The following ANO6 variants were observed in gnomAD, a reference collection of about 807,000 sequenced individuals.
ANO6 encodes anoctamin-6.
A neutral mutation model predicts 117.5 loss-of-function variants in ANO6; 106 were observed. That is an observed-to-expected ratio of 0.90 (90% CI 0.77 to 1.06). The LOEUF is 1.06. ANO6 is among the 50% of genes least tolerant of loss of function. The pLI, the probability that ANO6 is intolerant of heterozygous loss-of-function variation, is 0.00. For missense variants in ANO6, 955 were observed against 1,121.1 expected (o/e 0.85, Z 2.12); for synonymous variants, 367 against 385.1 (o/e 0.95, Z 0.55).
chr12:45,364,057 G>A (rs973811764), intron 8 of ANO6, among the ~76,000 whole-genome samples: 1 of 152,084 alleles, frequency 6.6e-6, no homozygotes, highest in Admixed American at 6.6e-5. Context: ...TTGAAGGATG[G>A]GTTTGCTGGA....
intron 15 of ANO6, among the ~76,000 whole-genome samples, chr12:45,405,937 C>T (rs936352162): frequency 4.6e-5 from 7 of 152,080 alleles, no homozygotes; most frequent in Admixed American, 2.6e-4. Flanking sequence ...ATCAGTTATC[C>T]TTTCTATCCA....
rs1040915283 is a variant in ANO6, at chr12:45,431,095, G to A, written c.*1784G>A. 1.0e-6 allele frequency: 1 copy of A among 985,284 alleles called. No homozygotes were observed. The highest frequency in any genetic ancestry group is 1.2e-6 in the Non-Finnish European group (1 of 829,942). The allele number at this position is 985,284 out of a possible 1,614,324, so 61.0% of individuals were successfully genotyped here. The stretch of plus-strand genomic sequence containing the variant: ...CATCAAAGCAGTATTGTAGGCTTTT[G>A]AATTGTCCCAGTGGATCCGGGACCC... On this transcript the variant is annotated 3_prime_UTR_variant, in exon 20 of 20. Coordinates refer to ENST00000320560, the MANE Select transcript of ANO6 (RefSeq NM_001025356.3).
At chr12:45,402,604 C>T (rs1444641506) in intron 13 of ANO6, among the ~76,000 whole-genome samples, 4 of 152,202 alleles carry the variant, frequency 2.6e-5, no homozygotes, top group Non-Finnish European at 5.9e-5. Context: ...CTGATGCAAA[C>T]TCCACACTAG....
chr12:45,431,282 C>A lies in ANO6; in HGVS notation c.*1971C>A. On this transcript the variant is annotated 3_prime_UTR_variant, in exon 20 of 20. Transcript: ENST00000320560. ...GGGAGTGCCACTGTTCCTCTCTTCA[C>A]TCCTGAGATACTGCTTCTGGAAGCG... 1.0e-6 allele frequency: 1 copy of A among 985,388 alleles called. No homozygotes were observed. The highest frequency in any genetic ancestry group is 1.2e-6 in the Non-Finnish European group (1 of 829,924). The allele number at this position is 985,388 out of a possible 1,614,324, so 61.0% of individuals were successfully genotyped here. A position where few individuals can be genotyped will look rare whatever the true frequency, so the allele number is the denominator to read the frequency against.
intron 1 of ANO6, chr12:45,270,349 C>T (rs1938353958): frequency 2.6e-5 from 34 of 1,320,628 alleles, no homozygotes; most frequent in Non-Finnish European, 3.2e-5. Context: ...TGTACGAGGT[C>T]AGGTCCTTGT....
chr12:45,430,190 A>G lies in ANO6; in HGVS notation c.*879A>G. 1 of 985,450 alleles carries G rather than the reference A, an allele frequency of 1.0e-6. No individual in the cohort carries two copies. The highest frequency in any genetic ancestry group is 1.2e-6 in the Non-Finnish European group (1 of 829,920). The allele number at this position is 985,450 out of a possible 1,614,324, so 61.0% of individuals were successfully genotyped here. A position where few individuals can be genotyped will look rare whatever the true frequency, so the allele number is the denominator to read the frequency against. On this transcript the variant is annotated 3_prime_UTR_variant, in exon 20 of 20. Transcript: ENST00000320560. ...AGTGATATCACATGATTAAAATTAC[A>G]TTTTTATCAACATAATTGTCTGGAA...
chr12:45,383,294 C>T (rs1487371933), intron 10 of ANO6: 2 of 158,276 alleles, frequency 1.3e-5, no homozygotes, highest in African/African-American at 4.8e-5. Flanking sequence ...CTTGCTCTTT[C>T]TACCACATCT....
At chr12:45,396,722 C>A (rs1429132841) in intron 12 of ANO6, among the ~76,000 whole-genome samples, 2 of 152,156 alleles carry the variant, frequency 1.3e-5, no homozygotes, top group African/African-American at 4.8e-5. Flanking sequence ...CTGACAAAAA[C>A]AAGCAATGGG....
Position 45,429,442 on chromosome 12 carries a change from A to G in ANO6, c.*131A>G. ...CTCAACTATTGCCATTTCCTCATGT[A>G]TTATTTTTCAGTTTCAGCTAGCGAT... On this transcript the variant is annotated 3_prime_UTR_variant, in exon 20 of 20. Coordinates refer to ENST00000320560, the MANE Select transcript of ANO6 (RefSeq NM_001025356.3). The G allele has an allele frequency of 2.0e-6, 3 of 1,496,928 alleles. No homozygotes were observed. Among genetic ancestry groups the G allele is most frequent in the Non-Finnish European group, 8.9e-7 (1 of 1,129,178 alleles). The allele number at this position is 1,496,928 out of a possible 1,614,324, so 92.7% of individuals were successfully genotyped here. A position where few individuals can be genotyped will look rare whatever the true frequency, so the allele number is the denominator to read the frequency against.
chr12:45,371,583 A>AC lies in ANO6; in HGVS notation c.1104+3796dup, dbSNP rs1353237153. Among the ~76,000 whole-genome samples the AC allele has an allele frequency of 6.6e-5, 10 of 151,686 alleles. No homozygotes were observed. The South Asian group carries it at 1.9e-3, about 29-fold the overall frequency. On this transcript the variant is annotated intron_variant, in intron 9 of 19. Coordinates refer to ENST00000320560, the MANE Select transcript of ANO6 (RefSeq NM_001025356.3). Reference sequence around the variant, plus strand: ...CCCCCGAGCAGCCTAACTGGGAGGCACCCCCCAGCAGGGGCACACTGACAC... The same window carrying AC: ...CCCCCGAGCAGCCTAACTGGGAGGCACCCCCCCAGCAGGGGCACACTGACAC...
chr12:45,253,945 G>T (rs1937716007), intron 1 of ANO6, among the ~76,000 whole-genome samples: 1 of 152,164 alleles, frequency 6.6e-6, no homozygotes, highest in Non-Finnish European at 1.5e-5. Context: ...AAGGTGGGCG[G>T]ATCATGAGGT....
At chr12:45,426,386 T>C (rs11183029) in intron 19 of ANO6, among the ~76,000 whole-genome samples, 8,392 of 152,210 alleles carry the variant, frequency 0.055, 469 homozygotes, top group East Asian at 0.32. Context: ...CAAAATTCTC[T>C]CCATCCTTAC....
intron 1 of ANO6, among the ~76,000 whole-genome samples, chr12:45,287,443 A>G (rs1257344807): frequency 6.6e-6 from 1 of 152,200 alleles, no homozygotes; most frequent in Non-Finnish European, 1.5e-5. Context: ...TGCTGTGAGA[A>G]TGTAATGCGT....
chr12:45,303,195 C>G (rs1314299820), intron 2 of ANO6, among the ~76,000 whole-genome samples: 2 of 152,152 alleles, frequency 1.3e-5, no homozygotes, highest in African/African-American at 4.8e-5. Flanking sequence ...GTGAAAATCA[C>G]CTGGATATAA....
intron 7 of ANO6, among the ~76,000 whole-genome samples, chr12:45,353,288 G>C (rs1941329757): frequency 6.6e-6 from 1 of 151,174 alleles, no homozygotes; most frequent in South Asian, 2.1e-4. Flanking sequence ...GTCATGAAGA[G>C]GCACTTTCAT....
chr12:45,289,458 G>T (rs769763994), intron 1 of ANO6, among the ~76,000 whole-genome samples: 1 of 152,130 alleles, frequency 6.6e-6, no homozygotes, highest in Admixed American at 6.6e-5. Flanking sequence ...ACTGTGCCCA[G>T]CCGGGTGTGA....
chr12:45,274,452 C>A (rs1938484068), intron 1 of ANO6, among the ~76,000 whole-genome samples: 1 of 152,086 alleles, frequency 6.6e-6, no homozygotes, highest in Non-Finnish European at 1.5e-5. Context: ...TTCTGTGACA[C>A]CTCGTATTCT....
intron 1 of ANO6, among the ~76,000 whole-genome samples, chr12:45,283,647 G>A (rs1272615983): frequency 6.6e-6 from 1 of 152,198 alleles, no homozygotes; most frequent in Non-Finnish European, 1.5e-5. Flanking sequence ...ATTTCCTGCT[G>A]AAACTGGTGA....
At chr12:45,326,810 G>A (rs569016701) in intron 2 of ANO6, among the ~76,000 whole-genome samples, 132 of 152,294 alleles carry the variant, frequency 8.7e-4, no homozygotes, top group African/African-American at 3.1e-3. Context: ...TGGATACCAG[G>A]GTTCACAGTG....
Sources: gnomAD v4.1 joint callset for allele counts (sites outside exome capture counted in the v4.1 genomes callset) on GRCh38, gnomAD v4.1.1 for gene constraint, MANE v1.5 for transcripts, NCBI Gene and HGNC (gene_info 2026-07-23, HGNC 2026-07-21) for gene names.